TVP23A: variants seen among roughly 807,000 people sequenced by gnomAD.
TVP23A encodes the protein trans-golgi network vesicle protein 23 homolog A.
In TVP23A, 21 loss-of-function variants were observed where a neutral mutation model predicts 31.7. The ratio of observed to expected loss-of-function variants is 0.66; its 90% CI spans 0.47 to 0.95. The LOEUF (loss-of-function observed/expected upper bound fraction) is 0.95. Ranked by LOEUF, TVP23A falls within the 40% of genes least tolerant of loss-of-function variation. TVP23A has a pLI of 0.00. For synonymous variants in TVP23A, 104 were observed against 96.0 expected (o/e 1.08, Z -0.49); for missense variants, 279 against 255.6 (o/e 1.09, Z -0.62).
downstream of TVP23A, chr16:10,765,282 C>T (rs1035210687): frequency 7.1e-6 from 1 of 140,966 alleles, no homozygotes; most frequent in Non-Finnish European, 1.5e-5. The surrounding 1 kb of genome is among the most constrained non-coding windows in gnomAD (Gnocchi z 4.0). Flanking sequence ...CACACACACA[C>T]AACCATGCTC....
chr16:10,774,703 C>T (rs1047349035), intron 3 of TVP23A, among the ~76,000 whole-genome samples: 11 of 151,724 alleles, frequency 7.3e-5, no homozygotes, highest in Admixed American at 2.6e-4. Flanking sequence ...CTCCGCCTCC[C>T]GGGTTCAAGT....
intron 2 of TVP23A, among the ~76,000 whole-genome samples, chr16:10,795,489 G>A (rs181467747): frequency 6.6e-6 from 1 of 152,210 alleles, no homozygotes; most frequent in African/African-American, 2.4e-5. Context: ...GACCTCAGGT[G>A]ATCTGCCTGC....
chr16:10,767,930 C>T lies in TVP23A; in HGVS notation c.*1172G>A, dbSNP rs1555476740. ...TTTCCTCTTGGACTGAATTGTCTTC[C>T]GTTTGTTTCTTTTTTAAGGTAAGAA... On this transcript the variant is annotated 3_prime_UTR_variant, in exon 8 of 8. Coordinates refer to ENST00000299866, the MANE Select transcript of TVP23A (RefSeq NM_001079512.4). This position sits in a 1 kb window ranked among gnomAD's most constrained non-coding sequence, Gnocchi z 4.6. 20 of 1,611,774 alleles carry T rather than the reference C, an allele frequency of 1.2e-5. No homozygotes were observed. Among genetic ancestry groups the T allele is most frequent in the Non-Finnish European group, 1.4e-5 (17 of 1,178,070 alleles).
intron 2 of TVP23A, among the ~76,000 whole-genome samples, chr16:10,816,368 C>T (rs1431725485): frequency 6.6e-6 from 1 of 151,358 alleles, no homozygotes; most frequent in African/African-American, 2.4e-5. Flanking sequence ...GGGTCTCACT[C>T]TGTCGCCCAG....
rs530457536 is a variant in TVP23A at position 10,802,837 on chromosome 16, G to T, written c.89+15266C>A. 2.6e-5 allele frequency among the ~76,000 whole-genome samples: 4 copies of T among 152,226 alleles called. No individual in the cohort carries two copies. The South Asian group carries it at 6.2e-4, about 24-fold the overall frequency. ...TTTTGTCATTGCTGTGTGTATTTTAGGTTCCATGTTTATTTGGTGCTCCAC... is the reference window on the plus strand; with the variant it reads ...TTTTGTCATTGCTGTGTGTATTTTATGTTCCATGTTTATTTGGTGCTCCAC... On this transcript the variant is annotated intron_variant, in intron 2 of 7. Transcript: ENST00000299866.
intron 2 of TVP23A, among the ~76,000 whole-genome samples, chr16:10,796,423 T>G (rs951820404): frequency 6.6e-6 from 1 of 150,508 alleles, no homozygotes; most frequent in Non-Finnish European, 1.5e-5. Flanking sequence ...AAAGGGATTT[T>G]ATTTTATTTT....
At chr16:10,798,612 T>C (rs1467160060) in intron 2 of TVP23A, among the ~76,000 whole-genome samples, 1 of 151,520 alleles carries the variant, frequency 6.6e-6, no homozygotes, top group Admixed American at 6.6e-5. Context: ...AGTGATTGTA[T>C]GTCACTTTTG....
rs144933462 is a variant in TVP23A at position 10,781,850 on chromosome 16, CTTTTTTTTTT to C, written c.90-6764_90-6755del. Among the ~76,000 whole-genome samples, 86 of 90,942 alleles carry C rather than the reference CTTTTTTTTTT, an allele frequency of 9.5e-4. No homozygotes were observed. The South Asian group carries it at 0.031, about 32-fold the overall frequency. The allele number at this position is 90,942 out of a possible 152,430, so 59.7% of individuals were successfully genotyped here. On this transcript the variant is annotated intron_variant, in intron 2 of 7. Transcript: ENST00000299866. ...AGCCCTCCTTCACAACTAACACAAT[CTTTTTTTTTT>C]TTTTTTTTTTTTTTTTTTTGAGACA...
intron 2 of TVP23A, among the ~76,000 whole-genome samples, chr16:10,810,322 G>A (rs1031784736): frequency 4.6e-5 from 7 of 152,114 alleles, no homozygotes; most frequent in Non-Finnish European, 1.0e-4. Context: ...GCCAAGGTGG[G>A]AGGATCACTT....
chr16:10,783,580 G>A (rs1436336791), intron 2 of TVP23A, among the ~76,000 whole-genome samples: 1 of 152,150 alleles, frequency 6.6e-6, no homozygotes, highest in Non-Finnish European at 1.5e-5. Context: ...AGAGGCTGAG[G>A]CATGAGAATC....
chr16:10,761,036 A>G (rs1900926029), downstream of TVP23A: 1 of 233,032 alleles, frequency 4.3e-6, no homozygotes, highest in Non-Finnish European at 8.6e-6. Context: ...GCAGTGAGAG[A>G]GAGAGTGTGT....
At position 10,779,061 on chromosome 16, in the gene TVP23A, C is replaced by G; in HGVS notation, c.90-3965G>C. ...AATGCATTCGAATAAATCCCTTGCC[C>G]ACCCGCTTCTTTCTTTTTTCTTTTT... On this transcript the variant is annotated intron_variant, in intron 2 of 7. Coordinates refer to ENST00000299866, the MANE Select transcript of TVP23A (RefSeq NM_001079512.4). This position sits in a 1 kb window ranked among gnomAD's most constrained non-coding sequence, Gnocchi z 4.9. Among the ~76,000 whole-genome samples, 1 of 152,174 alleles carries G rather than the reference C, an allele frequency of 6.6e-6. No individual in the cohort carries two copies. The highest frequency in any genetic ancestry group is 1.5e-5 in the Non-Finnish European group (1 of 68,034).
downstream of TVP23A, chr16:10,758,149 C>T: frequency 8.8e-7 from 1 of 1,130,698 alleles, no homozygotes; most frequent in South Asian, 1.5e-5. Context: ...TCCGCAGCTG[C>T]ATCTGATGTG....
At chr16:10,782,377 C>T (rs2032479377) in intron 2 of TVP23A, among the ~76,000 whole-genome samples, 1 of 152,222 alleles carries the variant, frequency 6.6e-6, no homozygotes, top group Non-Finnish European at 1.5e-5. Context: ...TTGAAATGTA[C>T]TTCCACACTT....
rs952495459 is a variant in TVP23A at position 10,818,302 on chromosome 16, C to A, written c.10-120G>T. The A allele has an allele frequency of 7.6e-7, 1 of 1,315,986 alleles. No individual in the cohort carries two copies. Among genetic ancestry groups the A allele is most frequent in the African/African-American group, 1.5e-5 (1 of 68,698 alleles). The allele number at this position is 1,315,986 out of a possible 1,614,324, so 81.5% of individuals were successfully genotyped here. The stretch of plus-strand genomic sequence containing the variant: ...CCCACCGGGTTCCCAAGTGGACCCT[C>A]CGAGCTGGCGGGGCCCCTCCGCTGC... On this transcript the variant is annotated intron_variant, in intron 1 of 7. Coordinates refer to ENST00000299866, the MANE Select transcript of TVP23A (RefSeq NM_001079512.4). The surrounding 1 kb of genome is among the most constrained non-coding windows in gnomAD (Gnocchi z 4.7).
intron 5 of TVP23A, 72 bp downstream of exon 5, chr16:10,773,240 CA>C: frequency 1.3e-6 from 2 of 1,502,156 alleles, no homozygotes; most frequent in Non-Finnish European, 1.8e-6. Flanking sequence ...CAAATAACAA[CA>C]AAAGCCTAGT....
In TVP23A at chr16:10,767,436, T is replaced by A; in HGVS notation, c.*1666A>T. 2.5e-6 allele frequency: 1 copy of A among 400,284 alleles called. No individual in the cohort carries two copies. Among genetic ancestry groups the A allele is most frequent in the Non-Finnish European group, 4.4e-6 (1 of 227,496 alleles). 24.8% of individuals were successfully genotyped at this position (400,284 alleles called of 1,614,324 possible). A position where few individuals can be genotyped will look rare whatever the true frequency, so the allele number is the denominator to read the frequency against. Reference sequence around the variant, plus strand: ...AGCAGCAGGCAGAATGTGTGTGTCATGTGCTCCCATTCGTATTTTAGGTAT... The same window carrying A: ...AGCAGCAGGCAGAATGTGTGTGTCAAGTGCTCCCATTCGTATTTTAGGTAT... On this transcript the variant is annotated 3_prime_UTR_variant, in exon 8 of 8. Transcript: ENST00000299866. This position sits in a 1 kb window ranked among gnomAD's most constrained non-coding sequence, Gnocchi z 4.6.
chr16:10,818,350 C>A lies in TVP23A; in HGVS notation c.9+135G>T, dbSNP rs1194800034. The A allele has an allele frequency of 1.4e-6, 2 of 1,418,590 alleles. No individual in the cohort carries two copies. The highest frequency in any genetic ancestry group is 1.9e-6 in the Non-Finnish European group (2 of 1,043,112). 87.9% of individuals were successfully genotyped at this position (1,418,590 alleles called of 1,614,324 possible). A position where few individuals can be genotyped will look rare whatever the true frequency, so the allele number is the denominator to read the frequency against. On this transcript the variant is annotated intron_variant, in intron 1 of 7. Coordinates refer to ENST00000299866, the MANE Select transcript of TVP23A (RefSeq NM_001079512.4). The surrounding 1 kb of genome is among the most constrained non-coding windows in gnomAD (Gnocchi z 4.7). ...TGCGGCTGCAGTGCAAAGCCCTCTC[C>A]ACCCTCCCGACCACCGGGTGCAGCC...
At chr16:10,758,571 T>C (rs1900731771), downstream of TVP23A, among the ~76,000 whole-genome samples, 1 of 152,138 alleles carries the variant, frequency 6.6e-6, no homozygotes, top group Non-Finnish European at 1.5e-5. Context: ...GATTAAACAA[T>C]AGTGGGTCAA....
Sources: allele counts gnomAD v4.1 joint callset (sites outside exome capture counted in the v4.1 genomes callset), GRCh38; gene constraint gnomAD v4.1.1; non-coding constraint Gnocchi (gnomAD v3.1); transcripts MANE v1.5; gene names NCBI Gene and HGNC (gene_info 2026-07-23, HGNC 2026-07-21).